Variants in REEP1 observed in about 807,000 individuals in gnomAD.
REEP1 encodes the protein receptor expression-enhancing protein 1.
A neutral mutation model predicts 40.3 loss-of-function variants in REEP1; 22 were observed. That is an observed-to-expected ratio of 0.55 (90% CI 0.39 to 0.78). The LOEUF (loss-of-function observed/expected upper bound fraction) is 0.78, where lower values mean the gene tolerates loss of function less well. Among genes scored for constraint, REEP1 ranks in the 30% least tolerant of loss-of-function variants. REEP1 has a pLI of 0.00. For synonymous variants in REEP1, 116 were observed against 139.2 expected (o/e 0.83, Z 1.17); for missense variants, 280 against 361.1 (o/e 0.78, Z 1.82).
chr2:86,287,530 T>C (rs966318357), intron 1 of REEP1, among the ~76,000 whole-genome samples: 1 of 152,256 alleles, frequency 6.6e-6, no homozygotes, highest in Admixed American at 6.5e-5. Context: ...GTGTTCTTAA[T>C]AAAAATATAA....
intron 2 of REEP1, among the ~76,000 whole-genome samples, chr2:86,278,914 AC>A (rs1371898131): frequency 3.9e-5 from 6 of 152,154 alleles, no homozygotes; most frequent in Non-Finnish European, 8.8e-5. Flanking sequence ...TCATCCCAAA[AC>A]CTTGAATCCA....
intron 1 of REEP1, among the ~76,000 whole-genome samples, chr2:86,307,020 C>T (rs1354630430): frequency 3.9e-5 from 6 of 152,056 alleles, no homozygotes; most frequent in African/African-American, 1.4e-4. Flanking sequence ...GCCTGGTCAA[C>T]ATGGTGAAAC....
intron 1 of REEP1, among the ~76,000 whole-genome samples, chr2:86,308,139 C>T (rs80355115): frequency 0.03 from 4,593 of 152,260 alleles, 120 homozygotes; most frequent in East Asian, 0.071. Context: ...AAAGAACTCA[C>T]GGAGGCATGG....
intron 1 of REEP1, among the ~76,000 whole-genome samples, chr2:86,303,917 GCAT>G (rs1679369681): frequency 6.6e-6 from 1 of 152,128 alleles, no homozygotes; most frequent in African/African-American, 2.4e-5. Flanking sequence ...ACATCTGACA[GCAT>G]CCATCCAAAG....
intron 1 of REEP1, among the ~76,000 whole-genome samples, chr2:86,322,537 C>T (rs1680314527): frequency 6.6e-6 from 1 of 152,066 alleles, no homozygotes; most frequent in African/African-American, 2.4e-5. Flanking sequence ...TCTTGACCTC[C>T]TGGGTGCAAG....
intron 1 of REEP1, among the ~76,000 whole-genome samples, chr2:86,311,671 C>T (rs953754608): frequency 6.6e-6 from 1 of 152,186 alleles, no homozygotes; most frequent in Non-Finnish European, 1.5e-5. Flanking sequence ...TAACCCTAAT[C>T]CAGTATGAAC....
chr2:86,230,599 C>T (rs1574001575), intron 6 of REEP1, among the ~76,000 whole-genome samples: 1 of 152,348 alleles, frequency 6.6e-6, no homozygotes, highest in East Asian at 1.9e-4. Context: ...CTCCTGGACA[C>T]TTGCAGCATG....
chr2:86,249,271 A>C (rs1373853916), intron 5 of REEP1, among the ~76,000 whole-genome samples: 1 of 151,922 alleles, frequency 6.6e-6, no homozygotes, highest in Non-Finnish European at 1.5e-5. Context: ...AAAAAAAAAA[A>C]AGTGGGAGAA....
At chr2:86,226,945 C>T (rs190267041) in intron 7 of REEP1, among the ~76,000 whole-genome samples, 1 of 152,252 alleles carries the variant, frequency 6.6e-6, no homozygotes, top group Admixed American at 6.5e-5. Context: ...AAAAGGTACC[C>T]TGGCTTCCTG....
chr2:86,303,166 C>T (rs569410256), intron 1 of REEP1, among the ~76,000 whole-genome samples: 1 of 151,770 alleles, frequency 6.6e-6, no homozygotes, highest in African/African-American at 2.4e-5. Flanking sequence ...CCTCAGCCTC[C>T]TGAGTAGCTA....
intron 1 of REEP1, among the ~76,000 whole-genome samples, chr2:86,323,857 A>G (rs1340547667): frequency 6.6e-6 from 1 of 152,234 alleles, no homozygotes; most frequent in African/African-American, 2.4e-5. Flanking sequence ...ACAGGCCTGC[A>G]CATTATAGAA....
intron 3 of REEP1, 55 bp from the exon 4 acceptor site, chr2:86,254,869 T>C: frequency 6.2e-7 from 1 of 1,602,682 alleles, no homozygotes; most frequent in Non-Finnish European, 8.5e-7. Flanking sequence ...ACACTGCCCT[T>C]TTGAAGGATG....
intron 1 of REEP1, among the ~76,000 whole-genome samples, chr2:86,284,715 G>A (rs896837894): frequency 5.3e-5 from 8 of 152,164 alleles, no homozygotes; most frequent in African/African-American, 1.2e-4. Context: ...GAAGTACAGC[G>A]CTACCCAGGA....
At chr2:86,233,148 C>A (rs1032328085) in intron 5 of REEP1, among the ~76,000 whole-genome samples, 1 of 152,242 alleles carries the variant, frequency 6.6e-6, no homozygotes, top group Admixed American at 6.5e-5. Flanking sequence ...CCTTCCAGGC[C>A]ACCTGCTGCT....
In REEP1 at chr2:86,294,949, C is replaced by T. The variant is rs151077590; in HGVS notation, c.33-12707G>A. 1.3e-3 allele frequency among the ~76,000 whole-genome samples: 205 copies of T among 152,124 alleles called. 2 individuals are homozygous for T. The East Asian group carries it at 0.033, about 24-fold the overall frequency. Reference sequence around the variant, plus strand: ...AGGGGAGGGTGGGACTATGTCCCACCTGCCCACAGAAGAACAAGGATTGTG... The same window carrying T: ...AGGGGAGGGTGGGACTATGTCCCACTTGCCCACAGAAGAACAAGGATTGTG... On this transcript the variant is annotated intron_variant, in intron 1 of 8. Coordinates refer to ENST00000538924, the MANE Select transcript of REEP1 (RefSeq NM_001371279.1).
intron 1 of REEP1, among the ~76,000 whole-genome samples, chr2:86,327,558 G>T: frequency 7.0e-6 from 1 of 143,772 alleles, no homozygotes; most frequent in South Asian, 2.2e-4. Context: ...GGGAAAGATG[G>T]TCTATCTTAC....
chr2:86,293,720 A>G (rs1678842864), intron 1 of REEP1, among the ~76,000 whole-genome samples: 1 of 152,234 alleles, frequency 6.6e-6, no homozygotes, highest in Non-Finnish European at 1.5e-5. Flanking sequence ...TTATAGTCCT[A>G]TGACACCATG....
intron 5 of REEP1, among the ~76,000 whole-genome samples, chr2:86,249,149 C>T (rs768226061): frequency 4.6e-4 from 70 of 152,178 alleles, no homozygotes; most frequent in Non-Finnish European, 9.0e-4. Flanking sequence ...ATCCCAGCTA[C>T]TCAGGAGGCT....
chr2:86,322,577 A>G (rs1019872365), intron 1 of REEP1, among the ~76,000 whole-genome samples: 1 of 151,878 alleles, frequency 6.6e-6, no homozygotes, highest in African/African-American at 2.4e-5. Flanking sequence ...CAGCCTCCCA[A>G]GTAACTGGGA....
Sources: gnomAD v4.1 joint callset for allele counts (sites outside exome capture counted in the v4.1 genomes callset) on GRCh38, gnomAD v4.1.1 for gene constraint, MANE v1.5 for transcripts, NCBI Gene and HGNC (gene_info 2026-07-23, HGNC 2026-07-21) for gene names.